Variants in LINGO2 observed in about 807,000 individuals in gnomAD.
The protein encoded by LINGO2 is leucine rich repeat and Ig domain containing 2.
Under a neutral mutation model 30.6 loss-of-function variants are expected in LINGO2, and 14 were observed. The observed-to-expected ratio is 0.46, with a 90% CI of 0.30 to 0.72. The LOEUF (loss-of-function observed/expected upper bound fraction) is 0.72. Ranked by LOEUF, LINGO2 falls within the 30% of genes least tolerant of loss-of-function variation. LINGO2 has a pLI of 0.07. For synonymous variants in LINGO2, 317 were observed against 288.5 expected, an observed-to-expected ratio of 1.10 and a Z score of -1.00; for missense variants, 729 against 751.7, an observed-to-expected ratio of 0.97 and a Z score of 0.35.
At chr9:29,141,775 T>C in the LINGO2 span, among the ~76,000 whole-genome samples, 1 of 151,566 alleles carries the variant, frequency 6.6e-6, no homozygotes, top group Non-Finnish European at 1.5e-5. Flanking sequence ...ACAAAATAGA[T>C]TTGAGGTAAA....
the LINGO2 span, among the ~76,000 whole-genome samples, chr9:29,213,045 G>C: frequency 6.6e-6 from 1 of 152,098 alleles, no homozygotes; most frequent in Non-Finnish European, 1.5e-5. Flanking sequence ...TCCTTTCCAA[G>C]GGATCAGGAG....
chr9:28,397,273 A>C (rs1822084334), intron 2 of LINGO2, among the ~76,000 whole-genome samples: 1 of 151,666 alleles, frequency 6.6e-6, no homozygotes, highest in African/African-American at 2.4e-5. Context: ...AAGATATATA[A>C]AAATAAAAAC....
At chr9:28,943,351 CAAG>C in the LINGO2 span, among the ~76,000 whole-genome samples, 2 of 150,694 alleles carry the variant, frequency 1.3e-5, no homozygotes, top group Non-Finnish European at 3.0e-5. Flanking sequence ...AATAAAGATC[CAAG>C]GAGGTATGCT....
At chr9:29,009,938 C>G in the LINGO2 span, among the ~76,000 whole-genome samples, 1 of 152,228 alleles carries the variant, frequency 6.6e-6, no homozygotes, top group Admixed American at 6.5e-5. Context: ...GAAAGGATTC[C>G]CTATTTAATA....
At chr9:28,999,193 C>G in the LINGO2 span, among the ~76,000 whole-genome samples, 3 of 151,982 alleles carry the variant, frequency 2.0e-5, no homozygotes, top group Admixed American at 2.0e-4. Context: ...AATGACATTA[C>G]TCAGGAAATA....
At chr9:27,966,551 C>A (rs1319531425) in intron 5 of LINGO2, among the ~76,000 whole-genome samples, 2 of 152,002 alleles carry the variant, frequency 1.3e-5, no homozygotes, top group Non-Finnish European at 2.9e-5. Flanking sequence ...AGGGGAACAT[C>A]CCACACTGGG....
At chr9:28,167,137 G>GCCC (rs1348401343) in intron 4 of LINGO2, among the ~76,000 whole-genome samples, 1 of 90,246 alleles carries the variant, frequency 1.1e-5, no homozygotes, top group Non-Finnish European at 2.3e-5. Context: ...ACTTAATATA[G>GCCC]CACCCCCCCC....
chr9:28,970,987 T>C, the LINGO2 span, among the ~76,000 whole-genome samples: 6 of 152,032 alleles, frequency 3.9e-5, no homozygotes, highest in Non-Finnish European at 8.8e-5. Context: ...TCTTTCCCCT[T>C]GAGGAGAGGA....
At chr9:27,971,361 A>C (rs905771023) in intron 5 of LINGO2, among the ~76,000 whole-genome samples, 1 of 152,062 alleles carries the variant, frequency 6.6e-6, no homozygotes, top group Non-Finnish European at 1.5e-5. Context: ...GCACATCCGC[A>C]TGTGAAAAAT....
intron 1 of LINGO2, among the ~76,000 whole-genome samples, chr9:28,517,424 T>C (rs1045133340): frequency 1.3e-5 from 2 of 152,300 alleles, no homozygotes; most frequent in Admixed American, 6.5e-5. Context: ...TTTCAATCAA[T>C]TTACATGTTT....
chr9:28,355,961 A>T (rs1820193102), intron 3 of LINGO2, among the ~76,000 whole-genome samples: 1 of 152,148 alleles, frequency 6.6e-6, no homozygotes, highest in African/African-American at 2.4e-5. Flanking sequence ...CTGAGAGATT[A>T]TGTGATTTCC....
At chr9:28,995,533 G>T in the LINGO2 span, among the ~76,000 whole-genome samples, 1 of 152,028 alleles carries the variant, frequency 6.6e-6, no homozygotes, top group Non-Finnish European at 1.5e-5. Flanking sequence ...TATACCCAAA[G>T]GACTATAAAT....
chr9:28,541,423 A>G (rs1462531563), intron 1 of LINGO2, among the ~76,000 whole-genome samples: 1 of 152,210 alleles, frequency 6.6e-6, no homozygotes, highest in African/African-American at 2.4e-5. Context: ...TTAGGAAAAC[A>G]ATTTTTAAGA....
the LINGO2 span, among the ~76,000 whole-genome samples, chr9:28,710,952 G>T: frequency 6.7e-6 from 1 of 148,682 alleles, no homozygotes; most frequent in Non-Finnish European, 1.5e-5. Flanking sequence ...CTGGGTAGAG[G>T]GCCTCAAGGA....
the LINGO2 span, among the ~76,000 whole-genome samples, chr9:29,031,156 C>T: frequency 2.6e-4 from 39 of 152,250 alleles, no homozygotes; most frequent in African/African-American, 8.9e-4. Context: ...CAACAAAAAC[C>T]ACACAGTAGC....
At chr9:28,736,570 C>T in the LINGO2 span, among the ~76,000 whole-genome samples, 52 of 152,046 alleles carry the variant, frequency 3.4e-4, no homozygotes, top group Non-Finnish European at 6.5e-4. Flanking sequence ...GCAGGCTGAT[C>T]GCCTGAGGTC....
chr9:28,364,316 G>C lies in LINGO2; in HGVS notation c.-246+8520C>G, dbSNP rs142249063. Among the ~76,000 whole-genome samples the C allele has an allele frequency of 7.6e-3, 1,145 of 151,600 alleles. 20 individuals are homozygous for C. Among genetic ancestry groups the C allele is most frequent in the African/African-American group, 0.026 (1,093 of 41,324 alleles). The stretch of plus-strand genomic sequence containing the variant: ...TTCAGATGCTTTCTCTGTTCTGAGT[G>C]TCATCATCTACCACTGTTAGCTTTA... On this transcript the variant is annotated intron_variant, in intron 3 of 5. Coordinates refer to ENST00000379992, the Ensembl canonical transcript of LINGO2.
At chr9:27,990,584 A>G (rs767003476) in intron 5 of LINGO2, among the ~76,000 whole-genome samples, 1 of 151,986 alleles carries the variant, frequency 6.6e-6, no homozygotes, top group Non-Finnish European at 1.5e-5. Flanking sequence ...TTAAAAAAAG[A>G]AAAACTATGT....
the LINGO2 span, among the ~76,000 whole-genome samples, chr9:29,049,735 A>G: frequency 6.6e-6 from 1 of 152,178 alleles, no homozygotes; most frequent in Non-Finnish European, 1.5e-5. Flanking sequence ...TATTTGTGGT[A>G]TTTAAATATC....
Sources: allele counts gnomAD v4.1 joint callset (sites outside exome capture counted in the v4.1 genomes callset), GRCh38; gene constraint gnomAD v4.1.1; transcripts MANE v1.5; gene names NCBI Gene and HGNC (gene_info 2026-07-23, HGNC 2026-07-21).